Variants in MYRIP observed in about 807,000 individuals in gnomAD.
MYRIP encodes the protein rab effector MyRIP.
MYRIP carries 49 observed loss-of-function variants against 98.0 expected under a neutral mutation model. The observed-to-expected ratio is 0.50, with a 90% confidence interval of 0.40 to 0.63. MYRIP has a LOEUF of 0.63. Among genes scored for constraint, MYRIP ranks in the 30% least tolerant of loss-of-function variants. The pLI is 0.00. For missense variants in MYRIP, 1,004 were observed against 1,058.2 expected (o/e 0.95, Z 0.71); for synonymous variants, 404 against 409.5 (o/e 0.99, Z 0.16).
chr3:40,133,619 C>A (rs978305763), intron 3 of MYRIP, among the ~76,000 whole-genome samples: 1 of 152,144 alleles, frequency 6.6e-6, no homozygotes, highest in Non-Finnish European at 1.5e-5. Flanking sequence ...TGCCTGTAAT[C>A]CCTAGTACTC....
At chr3:39,961,895 G>A (rs979351149) in intron 2 of MYRIP, among the ~76,000 whole-genome samples, 7 of 152,094 alleles carry the variant, frequency 4.6e-5, no homozygotes, top group Non-Finnish European at 1.0e-4. Flanking sequence ...ATTTCAGGTA[G>A]GCCCAGGGAA....
chr3:39,962,898 G>T lies in MYRIP; in HGVS notation c.110+61972G>T, dbSNP rs540125494. 2.0e-5 allele frequency among the ~76,000 whole-genome samples: 3 copies of T among 152,232 alleles called. No homozygotes were observed. The South Asian group carries it at 6.2e-4, about 32-fold the overall frequency. On this transcript the variant is annotated intron_variant, in intron 2 of 16. Transcript: ENST00000302541. ...CAGACAGTTTCTGTGTTATAGAGCA[G>T]TAGAATTATAGATGATTGATTTTTT...
chr3:39,883,828 G>A (rs1024520269), intron 1 of MYRIP, among the ~76,000 whole-genome samples: 8 of 152,052 alleles, frequency 5.3e-5, no homozygotes, highest in African/African-American at 1.4e-4. Flanking sequence ...TAGACTATCT[G>A]ACCTGAACAA....
intron 3 of MYRIP, among the ~76,000 whole-genome samples, chr3:40,082,789 A>T (rs770267957): frequency 6.6e-6 from 1 of 152,216 alleles, no homozygotes; most frequent in Non-Finnish European, 1.5e-5. Context: ...TGTGTAATGG[A>T]TACATTTTTC....
chr3:40,163,030 G>A (rs562170832), intron 5 of MYRIP: 24 of 452,028 alleles, frequency 5.3e-5, no homozygotes, highest in Admixed American at 4.8e-4. Context: ...AACAGCATTC[G>A]TTACCCAACC....
Position 40,214,432 on chromosome 3 carries a change from CAGA to C in MYRIP, c.1905+4344_1905+4346del, listed in dbSNP as rs1482972086. ...GGAGCTACAGAATCCTGTCCAGCAG[CAGA>C]AGAACCATTTTAGAAACATACTTTT... On this transcript the variant is annotated intron_variant, in intron 11 of 16. Transcript: ENST00000302541. Among the ~76,000 whole-genome samples, 86 of 152,328 alleles carry C rather than the reference CAGA, an allele frequency of 5.6e-4. 1 individual carries two copies. The highest frequency in any genetic ancestry group is 2.7e-3 in the Admixed American group (41 of 15,298).
chr3:40,143,277 T>G (rs1325260271), intron 3 of MYRIP, among the ~76,000 whole-genome samples: 1 of 152,206 alleles, frequency 6.6e-6, no homozygotes, highest in African/African-American at 2.4e-5. Flanking sequence ...GTCCTCTATT[T>G]CAGCAGGATG....
intron 2 of MYRIP, among the ~76,000 whole-genome samples, chr3:39,930,368 C>G (rs1291694405): frequency 1.3e-5 from 2 of 151,878 alleles, no homozygotes; most frequent in Non-Finnish European, 2.9e-5. Flanking sequence ...TGTTCAGATC[C>G]TCTACTCATT....
chr3:40,123,464 G>A (rs918984684), intron 3 of MYRIP, among the ~76,000 whole-genome samples: 8 of 152,184 alleles, frequency 5.3e-5, no homozygotes, highest in Non-Finnish European at 1.0e-4. Flanking sequence ...CATCCTTCTC[G>A]TTCCCTGTGG....
At chr3:40,205,656 T>C (rs1322387637) in intron 10 of MYRIP, among the ~76,000 whole-genome samples, 1 of 152,046 alleles carries the variant, frequency 6.6e-6, no homozygotes, top group Non-Finnish European at 1.5e-5. Flanking sequence ...CCTCCCACCC[T>C]CCCTGCAAAA....
chr3:39,996,550 A>G (rs1946362482), intron 2 of MYRIP, among the ~76,000 whole-genome samples: 1 of 152,188 alleles, frequency 6.6e-6, no homozygotes, highest in African/African-American at 2.4e-5. Context: ...TTAGAGACCT[A>G]CAAAGAGACT....
chr3:40,017,172 G>A (rs897888975), intron 2 of MYRIP, among the ~76,000 whole-genome samples: 3 of 152,188 alleles, frequency 2.0e-5, no homozygotes, highest in African/African-American at 7.2e-5. Context: ...CCAAATGCAA[G>A]TCTCCTGCAC....
intron 8 of MYRIP, among the ~76,000 whole-genome samples, chr3:40,172,037 T>C (rs1303038764): frequency 2.0e-5 from 3 of 152,134 alleles, no homozygotes; most frequent in Non-Finnish European, 4.4e-5. Context: ...GCCCCCATGA[T>C]TCAATTACCT....
intron 2 of MYRIP, among the ~76,000 whole-genome samples, chr3:40,034,679 T>A: frequency 6.7e-6 from 1 of 150,160 alleles, no homozygotes; most frequent in East Asian, 2.1e-4. Context: ...TCCTCAGGGA[T>A]CTAGAACTAG....
chr3:40,207,724 GA>G (rs1951821842), intron 10 of MYRIP, among the ~76,000 whole-genome samples: 1 of 152,160 alleles, frequency 6.6e-6, no homozygotes, highest in African/African-American at 2.4e-5. Context: ...GTAACTGGAT[GA>G]AAAGACCATA....
At chr3:40,034,149 G>A (rs377011327) in intron 2 of MYRIP, among the ~76,000 whole-genome samples, 5,653 of 151,610 alleles carry the variant, frequency 0.037, 174 homozygotes, top group East Asian at 0.17. Context: ...TACTATTCAG[G>A]ACATAGGCAT....
chr3:40,069,461 C>A (rs368655013), intron 3 of MYRIP, among the ~76,000 whole-genome samples: 1 of 151,372 alleles, frequency 6.6e-6, no homozygotes, highest in South Asian at 2.1e-4. Flanking sequence ...ATATTTTAAC[C>A]ATTATTAAAT....
In MYRIP at chr3:39,877,311, T is replaced by A. The variant is rs548579630; in HGVS notation, c.-30-23476T>A. Reference sequence around the variant, plus strand: ...AATGTCCTCCCGTAGCTCAGAGTAATTTGATCGTCTGAAGCCTTCTTCTCT... The same window carrying A: ...AATGTCCTCCCGTAGCTCAGAGTAAATTGATCGTCTGAAGCCTTCTTCTCT... On this transcript the variant is annotated intron_variant, in intron 1 of 16. Transcript: ENST00000302541. Among the ~76,000 whole-genome samples the A allele has an allele frequency of 1.5e-4, 23 of 152,254 alleles. No homozygotes were observed. The South Asian group carries it at 2.7e-3, about 18-fold the overall frequency.
chr3:40,032,018 T>C (rs1045453495), intron 2 of MYRIP, among the ~76,000 whole-genome samples: 3 of 152,182 alleles, frequency 2.0e-5, no homozygotes, highest in African/African-American at 7.2e-5. Flanking sequence ...AGTTATTTCA[T>C]GCCTTCTGCT....
Sources: gnomAD v4.1 joint callset for allele counts (sites outside exome capture counted in the v4.1 genomes callset) on GRCh38, gnomAD v4.1.1 for gene constraint, MANE v1.5 for transcripts, NCBI Gene and HGNC (gene_info 2026-07-23, HGNC 2026-07-21) for gene names.